ATG16L2: variants seen among roughly 807,000 people sequenced by gnomAD.
The protein encoded by ATG16L2 is autophagy related 16 like 2.
Under a neutral mutation model 84.7 loss-of-function variants are expected in ATG16L2, and 77 were observed. The ratio of observed to expected loss-of-function variants is 0.91; its 90% confidence interval spans 0.76 to 1.10. The LOEUF (loss-of-function observed/expected upper bound fraction) is 1.10, where lower values mean the gene tolerates loss of function less well. Among genes scored for constraint, ATG16L2 ranks in the 50% least tolerant of loss-of-function variants. The pLI is 0.00. For missense variants in ATG16L2, 782 were observed against 817.6 expected, an observed-to-expected ratio of 0.96 and a Z score of 0.53; for synonymous variants, 361 against 342.8, an observed-to-expected ratio of 1.05 and a Z score of -0.59.
chr11:72,842,309 C>T (rs1860983418), intron 5 of ATG16L2, among the ~76,000 whole-genome samples: 1 of 152,234 alleles, frequency 6.6e-6, no homozygotes, highest in Non-Finnish European at 1.5e-5. Context: ...GCAACGCCTT[C>T]CCTCTTCGGT....
At chr11:72,839,801 CT>C (rs1565279954) in intron 5 of ATG16L2, among the ~76,000 whole-genome samples, 1 of 152,156 alleles carries the variant, frequency 6.6e-6, no homozygotes, top group African/African-American at 2.4e-5. Context: ...AGTTATAAAT[CT>C]GAGACTTGCT....
At chr11:72,815,393 C>G (rs1423732514) in intron 1 of ATG16L2, among the ~76,000 whole-genome samples, 1 of 152,222 alleles carries the variant, frequency 6.6e-6, no homozygotes, top group African/African-American at 2.4e-5. Context: ...GCTGCTGGTC[C>G]TCTACCTTCA....
In ATG16L2 at chr11:72,817,744, A is replaced by C. The variant is rs1859774982; in HGVS notation, c.219-12A>C. ...CCGGGGGACATTGAGCACCACTCTG[A>C]TTGGTTGGCAGGGAGGAGTCAGAGC... is the stretch of plus-strand genomic sequence containing the variant. On this transcript the variant is annotated splice_polypyrimidine_tract_variant and intron_variant, in intron 2 of 17. Coordinates refer to ENST00000321297, the MANE Select transcript of ATG16L2 (RefSeq NM_033388.2). 3 of 1,613,348 alleles carry C rather than the reference A, an allele frequency of 1.9e-6. No individual in the cohort carries two copies. The highest frequency in any genetic ancestry group is 2.5e-6 in the Non-Finnish European group (3 of 1,179,788).
chr11:72,823,560 C>G (rs763431629), intron 7 of ATG16L2: 1 of 417,850 alleles, frequency 2.4e-6, no homozygotes, highest in Non-Finnish European at 4.7e-6. Context: ...CTTGCAGGTC[C>G]CTGGTGTCCA....
rs1018657477 is a variant in ATG16L2 at position 72,822,639 on chromosome 11, C to T, written c.710+96C>T. The T allele has an allele frequency of 4.0e-5, 60 of 1,497,018 alleles. No individual in the cohort carries two copies. The highest frequency in any genetic ancestry group is 4.5e-5 in the Admixed American group (2 of 44,292). 92.7% of individuals were successfully genotyped at this position (1,497,018 alleles called of 1,614,324 possible). A position where few individuals can be genotyped will look rare whatever the true frequency, so the allele number is the denominator to read the frequency against. On this transcript the variant is annotated intron_variant, in intron 6 of 17. Transcript: ENST00000321297. This position sits in a 1 kb window ranked among gnomAD's most constrained non-coding sequence, Gnocchi z 4.2. The stretch of plus-strand genomic sequence containing the variant: ...GCTGCCGACTGTACTTGTGCACAGC[C>T]CCGTCCTGAGGCCCCCATGTGGTCG...
At chr11:72,828,239 CA>C in intron 14 of ATG16L2, 119 bp from the exon 15 acceptor site, 4 of 1,160,442 alleles carry the variant, frequency 3.4e-6, no homozygotes, top group Non-Finnish European at 4.9e-6. Context: ...CCCAGCGATC[CA>C]GGGCCCTGGG....
chr11:72,817,091 C>T (rs959133159), intron 2 of ATG16L2, among the ~76,000 whole-genome samples: 12 of 152,200 alleles, frequency 7.9e-5, no homozygotes, highest in African/African-American at 2.9e-4. Flanking sequence ...CGTCCCACCC[C>T]TATACTTATG....
At chr11:72,815,889 C>T (rs1859671349) in intron 1 of ATG16L2, 1 of 152,244 alleles carries the variant, frequency 6.6e-6, no homozygotes, top group Admixed American at 6.5e-5. Context: ...AAACCACCAA[C>T]CTCCAGAATG....
intron 11 of ATG16L2, 122 bp downstream of exon 11, chr11:72,826,365 T>TA (rs763496232): frequency 2.7e-5 from 39 of 1,425,958 alleles, no homozygotes; most frequent in Non-Finnish European, 3.6e-5. Context: ...CCTGGGCTCT[T>TA]ACACAGATCC....
intron 14 of ATG16L2, among the ~76,000 whole-genome samples, chr11:72,827,951 C>T (rs992197322): frequency 8.5e-5 from 13 of 152,214 alleles, no homozygotes; most frequent in African/African-American, 2.2e-4. Flanking sequence ...AAAACCAAAA[C>T]CAAAAACAAA....
intron 5 of ATG16L2, among the ~76,000 whole-genome samples, chr11:72,835,026 G>A (rs1012045727): frequency 2.6e-5 from 4 of 152,236 alleles, no homozygotes; most frequent in African/African-American, 7.2e-5. Flanking sequence ...GGGTCAGAGA[G>A]GAAGGGGATC....
At chr11:72,840,639 C>G (rs1351515279) in intron 5 of ATG16L2, among the ~76,000 whole-genome samples, 1 of 152,162 alleles carries the variant, frequency 6.6e-6, no homozygotes, top group African/African-American at 2.4e-5. Flanking sequence ...CTTTCATAGC[C>G]ATCATCTTGC....
intron 13 of ATG16L2, 149 bp from the exon 14 acceptor site, chr11:72,827,039 G>A: frequency 4.8e-6 from 4 of 828,714 alleles, no homozygotes; most frequent in South Asian, 1.8e-5. Flanking sequence ...GGAAAAAGAC[G>A]TGGGTGAGCC....
At chr11:72,841,646 C>T (rs1860954147) in intron 5 of ATG16L2, 1 of 1,472,440 alleles carries the variant, frequency 6.8e-7, no homozygotes. Context: ...CTGGCTGCTT[C>T]TCTGACTGCT....
At chr11:72,833,939 T>TA (rs1181177478), downstream of ATG16L2, among the ~76,000 whole-genome samples, 12 of 150,958 alleles carry the variant, frequency 7.9e-5, no homozygotes, top group Non-Finnish European at 1.5e-4. Context: ...AAAATTTTTT[T>TA]TTTTTTCAGG....
In ATG16L2 at chr11:72,822,043, G is replaced by C. The variant is rs977253983; in HGVS notation, c.393-1G>C. 5 of 1,498,140 alleles carry C rather than the reference G, an allele frequency of 3.3e-6. No homozygotes were observed. The highest frequency in any genetic ancestry group is 4.4e-6 in the Non-Finnish European group (5 of 1,140,448). 92.8% of individuals were successfully genotyped at this position (1,498,140 alleles called of 1,614,324 possible). A position where few individuals can be genotyped will look rare whatever the true frequency, so the allele number is the denominator to read the frequency against. ...CGCTATCCGCTCTTTCCGTCCTCCAGGCTGGCAGCCCTGGAGGCCCGCGTG... is the reference window on the plus strand; with the variant it reads ...CGCTATCCGCTCTTTCCGTCCTCCACGCTGGCAGCCCTGGAGGCCCGCGTG... On this transcript the variant is annotated splice_acceptor_variant, in intron 4 of 17. Coordinates refer to ENST00000321297, the MANE Select transcript of ATG16L2 (RefSeq NM_033388.2). LOFTEE classifies it high-confidence loss of function. This position sits in a 1 kb window ranked among gnomAD's most constrained non-coding sequence, Gnocchi z 4.2.
chr11:72,829,743 G>T (rs866198612), downstream of ATG16L2: 1 of 655,280 alleles, frequency 1.5e-6, no homozygotes, highest in African/African-American at 1.9e-5. Context: ...CAGAGCTGAG[G>T]CAGCCAGCCG....
At chr11:72,829,121 A>C in intron 17 of ATG16L2, 137 bp downstream of exon 17, 2 of 1,101,330 alleles carry the variant, frequency 1.8e-6, no homozygotes, top group South Asian at 2.9e-5. Flanking sequence ...TTTGCAGTTC[A>C]CAAGGTACTT....
At chr11:72,827,710 G>A (rs371236698) in intron 14 of ATG16L2, among the ~76,000 whole-genome samples, 3 of 152,158 alleles carry the variant, frequency 2.0e-5, no homozygotes, top group Non-Finnish European at 2.9e-5. Context: ...AGGCCGAGGC[G>A]GGCAGATCAC....
Sources: allele counts gnomAD v4.1 joint callset (sites outside exome capture counted in the v4.1 genomes callset), GRCh38; gene constraint gnomAD v4.1.1; non-coding constraint Gnocchi (gnomAD v3.1); transcripts MANE v1.5; gene names NCBI Gene and HGNC (gene_info 2026-07-23, HGNC 2026-07-21).